The following UNC5D variants were observed in gnomAD, a reference collection of about 807,000 sequenced individuals.
UNC5D encodes the protein unc-5 netrin receptor D.
A neutral mutation model predicts 105.4 loss-of-function variants in UNC5D; 39 were observed. The observed-to-expected ratio is 0.37, with a 90% CI of 0.29 to 0.48. The LOEUF (loss-of-function observed/expected upper bound fraction) is 0.48. UNC5D is among the 20% of genes least tolerant of loss of function. The pLI, the probability that UNC5D is intolerant of heterozygous loss-of-function variation, is 0.98. For synonymous variants in UNC5D, 452 were observed against 450.4 expected (o/e 1.00, Z -0.04); for missense variants, 991 against 1,202.4 (o/e 0.82, Z 2.60).
rs1210620381 is a variant in UNC5D, at chr8:35,795,186, T to C, written c.*4623T>C. 1.3e-5 allele frequency: 2 copies of C among 152,186 alleles called. No individual in the cohort carries two copies. Among genetic ancestry groups the C allele is most frequent in the Non-Finnish European group, 2.9e-5 (2 of 68,038 alleles). The allele number at this position is 152,186 out of a possible 1,614,324, so 9.4% of individuals were successfully genotyped here. ...TATTGAGTTCAGCAGGGCCCCATCT[T>C]ACTTATTTTTCAAAAAAGTTATAGC... On this transcript the variant is annotated 3_prime_UTR_variant, in exon 17 of 17. Coordinates refer to ENST00000404895, the MANE Select transcript of UNC5D (RefSeq NM_080872.4).
intron 1 of UNC5D, among the ~76,000 whole-genome samples, chr8:35,545,408 G>T (rs1338184298): frequency 6.7e-6 from 1 of 149,164 alleles, no homozygotes; most frequent in Non-Finnish European, 1.5e-5. Context: ...TGGTTGGCAA[G>T]TATGGGTTGG....
At chr8:35,662,988 TATCTA>T (rs1824203716) in intron 4 of UNC5D, among the ~76,000 whole-genome samples, 1 of 152,222 alleles carries the variant, frequency 6.6e-6, no homozygotes, top group South Asian at 2.1e-4. Context: ...GAGTCCCATC[TATCTA>T]ATGCCTGACG....
At chr8:35,325,064 C>G (rs1367421599) in intron 1 of UNC5D, among the ~76,000 whole-genome samples, 1 of 151,986 alleles carries the variant, frequency 6.6e-6, no homozygotes, top group Non-Finnish European at 1.5e-5. Context: ...TTGCTCTCAG[C>G]CAACAAAAAA....
chr8:35,604,178 G>T (rs532389878), intron 4 of UNC5D, among the ~76,000 whole-genome samples: 2 of 152,238 alleles, frequency 1.3e-5, no homozygotes, highest in Admixed American at 6.5e-5. Context: ...GCAGTGGCTG[G>T]TACCGGTTGT....
At chr8:35,329,194 A>G (rs920861553) in intron 1 of UNC5D, among the ~76,000 whole-genome samples, 1 of 152,156 alleles carries the variant, frequency 6.6e-6, no homozygotes, top group African/African-American at 2.4e-5. Context: ...GTTAAATAAC[A>G]TGCTCAAAGT....
intron 1 of UNC5D, among the ~76,000 whole-genome samples, chr8:35,298,622 G>A (rs185961446): frequency 6.5e-4 from 95 of 147,258 alleles, no homozygotes; most frequent in African/African-American, 2.2e-3. Flanking sequence ...ACTGCAAGGC[G>A]GGGAGAAGGG....
At chr8:35,636,829 G>A (rs1822406158) in intron 4 of UNC5D, among the ~76,000 whole-genome samples, 2 of 152,170 alleles carry the variant, frequency 1.3e-5, no homozygotes, top group African/African-American at 4.8e-5. Flanking sequence ...AGTAACCCCA[G>A]TAACATTCAA....
At chr8:35,435,033 A>T (rs1251630312) in intron 1 of UNC5D, among the ~76,000 whole-genome samples, 1 of 151,890 alleles carries the variant, frequency 6.6e-6, no homozygotes, top group African/African-American at 2.4e-5. Flanking sequence ...GAACCTAAAA[A>T]AAAGTTAAAG....
At chr8:35,696,282 A>ATTTTTT (rs755876112) in intron 7 of UNC5D, among the ~76,000 whole-genome samples, 19 of 113,198 alleles carry the variant, frequency 1.7e-4, no homozygotes, top group African/African-American at 2.7e-4. Flanking sequence ...TCAATATTTA[A>ATTTTTT]TTTTTTTTTT....
chr8:35,527,365 G>T (rs1309195279), intron 1 of UNC5D, among the ~76,000 whole-genome samples: 1 of 152,122 alleles, frequency 6.6e-6, no homozygotes, highest in Non-Finnish European at 1.5e-5. Flanking sequence ...TCTGTAGACC[G>T]AGTGGCTTAA....
At chr8:35,411,401 C>A (rs1805155973) in intron 1 of UNC5D, among the ~76,000 whole-genome samples, 1 of 152,002 alleles carries the variant, frequency 6.6e-6, no homozygotes, top group Non-Finnish European at 1.5e-5. Context: ...AGATGACAGT[C>A]ACCATTCCTA....
chr8:35,294,973 TA>T (rs912130923), intron 1 of UNC5D, among the ~76,000 whole-genome samples: 4 of 152,174 alleles, frequency 2.6e-5, no homozygotes, highest in Non-Finnish European at 5.9e-5. Context: ...TGTACTGTGA[TA>T]CCCAATTTAC....
At chr8:35,525,630 G>A in intron 1 of UNC5D, 1 of 1,613,500 alleles carries the variant, frequency 6.2e-7, no homozygotes, top group Non-Finnish European at 8.5e-7. Context: ...TCCACTGGAA[G>A]AGGGACATTT....
chr8:35,646,302 G>A (rs974527554), intron 4 of UNC5D, among the ~76,000 whole-genome samples: 3 of 152,078 alleles, frequency 2.0e-5, no homozygotes, highest in Admixed American at 6.6e-5. Context: ...CTTCATGAAA[G>A]TGCTGAGATG....
Position 35,686,600 on chromosome 8 carries a change from A to G in UNC5D, c.975A>G (p.Glu325=), listed in dbSNP as rs747518115. The change falls in exon 7 of 17, where the codon GAA becomes GAG. Residue 325 remains glutamate, a synonymous_variant. Transcript: ENST00000404895. Reference sequence around the variant, plus strand: ...GGTCCGTCTGCAGTCCAGAGTGTGAACATTTGCGGATCCGGGAGTGCACAG... The same window carrying G: ...GGTCCGTCTGCAGTCCAGAGTGTGAGCATTTGCGGATCCGGGAGTGCACAG... ...SEWSVCSPEC[E]HLRIRECTAP... is the part of the protein sequence containing the mutation. 6.2e-7 allele frequency: 1 copy of G among 1,608,434 alleles called. No homozygotes were observed. Among genetic ancestry groups the G allele is most frequent in the African/African-American group, 1.3e-5 (1 of 74,410 alleles).
chr8:35,312,657 G>A (rs917922266), intron 1 of UNC5D, among the ~76,000 whole-genome samples: 12 of 152,078 alleles, frequency 7.9e-5, no homozygotes, highest in African/African-American at 2.4e-4. Flanking sequence ...CAACTGATTA[G>A]CATCTCAGAA....
At chr8:35,780,278 A>G (rs1228090701) in intron 16 of UNC5D, among the ~76,000 whole-genome samples, 2 of 152,234 alleles carry the variant, frequency 1.3e-5, no homozygotes, top group Non-Finnish European at 2.9e-5. Context: ...AAAACCGTAT[A>G]CGTGAAATTC....
chr8:35,443,736 T>C (rs1027051308), intron 1 of UNC5D, among the ~76,000 whole-genome samples: 2 of 152,024 alleles, frequency 1.3e-5, no homozygotes, highest in Non-Finnish European at 2.9e-5. Context: ...CAACTCATTT[T>C]ATTGAGGTCT....
chr8:35,736,362 C>A (rs1191167985), intron 11 of UNC5D, among the ~76,000 whole-genome samples: 2 of 152,112 alleles, frequency 1.3e-5, no homozygotes, highest in Non-Finnish European at 2.9e-5. Flanking sequence ...TACAGCGAGA[C>A]CCTGTCTCAA....
Sources: gnomAD v4.1 joint callset for allele counts (sites outside exome capture counted in the v4.1 genomes callset) on GRCh38, gnomAD v4.1.1 for gene constraint, MANE v1.5 for transcripts, NCBI Gene and HGNC (gene_info 2026-07-23, HGNC 2026-07-21) for gene names.